Variants in VPS13B observed in about 807,000 individuals in gnomAD.
The protein encoded by VPS13B is vacuolar protein sorting 13 homolog B, also known as intermembrane lipid transfer protein VPS13B.
In VPS13B, 285 loss-of-function variants were observed where a neutral mutation model predicts 426.4. That is an observed-to-expected ratio of 0.67 (90% confidence interval 0.61 to 0.74). The LOEUF is 0.74. VPS13B is among the 30% of genes least tolerant of loss of function. The pLI, the probability that VPS13B is intolerant of heterozygous loss-of-function variation, is 0.00. For synonymous variants in VPS13B, 1,676 were observed against 1,676.4 expected, an observed-to-expected ratio of 1.00 and a Z score of 0.01; for missense variants, 4,537 against 4,782.6, an observed-to-expected ratio of 0.95 and a Z score of 1.51.
intron 3 of VPS13B, among the ~76,000 whole-genome samples, chr8:99,055,550 C>A (rs546958765): frequency 7.9e-4 from 121 of 152,204 alleles, no homozygotes; most frequent in Non-Finnish European, 1.3e-3. Flanking sequence ...TTTAAGTAAT[C>A]TTTAATTGTG....
intron 2 of VPS13B, among the ~76,000 whole-genome samples, chr8:99,017,564 G>A (rs1841686704): frequency 6.7e-6 from 1 of 149,482 alleles, no homozygotes; most frequent in Non-Finnish European, 1.5e-5. Flanking sequence ...GTGTGATCTC[G>A]GCTCACTGCA....
intron 56 of VPS13B, among the ~76,000 whole-genome samples, chr8:99,857,104 A>G (rs1030632367): frequency 3.9e-5 from 6 of 152,166 alleles, no homozygotes; most frequent in Non-Finnish European, 7.4e-5. Flanking sequence ...GTACCCTTGG[A>G]TCTGTCTGCC....
chr8:99,353,484 G>A (rs1439520053), intron 19 of VPS13B, among the ~76,000 whole-genome samples: 4 of 151,746 alleles, frequency 2.6e-5, no homozygotes, highest in African/African-American at 9.7e-5. Flanking sequence ...AGGATTAAGG[G>A]ATTATTAATT....
intron 30 of VPS13B, among the ~76,000 whole-genome samples, chr8:99,540,269 T>A (rs199654412): frequency 6.7e-6 from 1 of 150,012 alleles, no homozygotes; most frequent in African/African-American, 2.5e-5. Flanking sequence ...TTAGTAGAGA[T>A]GGGGTTTCAC....
At chr8:99,539,302 A>C (rs886960892) in intron 30 of VPS13B, among the ~76,000 whole-genome samples, 3 of 152,182 alleles carry the variant, frequency 2.0e-5, no homozygotes, top group Non-Finnish European at 4.4e-5. Flanking sequence ...GATATACAAC[A>C]TGTATAATTC....
chr8:99,632,692 A>G (rs1828895447), intron 33 of VPS13B, among the ~76,000 whole-genome samples: 1 of 152,008 alleles, frequency 6.6e-6, no homozygotes, highest in African/African-American at 2.4e-5. Context: ...ATAAACAAAT[A>G]TTTCTCTCTA....
chr8:99,864,053 C>A (rs1009655586), intron 58 of VPS13B, among the ~76,000 whole-genome samples: 1 of 152,176 alleles, frequency 6.6e-6, no homozygotes, highest in African/African-American at 2.4e-5. Context: ...TTCATGTACT[C>A]TTTGGGTTAT....
chr8:99,119,887 T>C (rs1354384352), intron 7 of VPS13B, among the ~76,000 whole-genome samples: 1 of 151,654 alleles, frequency 6.6e-6, no homozygotes, highest in African/African-American at 2.4e-5. Flanking sequence ...TTTTTGTTTG[T>C]TTTTTGTTTT....
chr8:99,032,789 C>T (rs986581201), intron 2 of VPS13B, among the ~76,000 whole-genome samples: 2 of 151,926 alleles, frequency 1.3e-5, no homozygotes, highest in Non-Finnish European at 2.9e-5. Context: ...ATCCACCTGC[C>T]TCAGCCTCCC....
intron 33 of VPS13B, among the ~76,000 whole-genome samples, chr8:99,635,186 C>CT (rs898405701): frequency 7.9e-5 from 12 of 151,880 alleles, no homozygotes; most frequent in African/African-American, 2.6e-4. Flanking sequence ...AATACTGTAA[C>CT]TTTTTTTACT....
chr8:99,314,769 T>C (rs576434918), intron 19 of VPS13B, among the ~76,000 whole-genome samples: 1 of 152,234 alleles, frequency 6.6e-6, no homozygotes, highest in Non-Finnish European at 1.5e-5. Flanking sequence ...ATTTTAGAGC[T>C]AATGATATTT....
intron 17 of VPS13B, among the ~76,000 whole-genome samples, chr8:99,243,208 C>T (rs1342833775): frequency 3.3e-5 from 5 of 152,084 alleles, no homozygotes; most frequent in African/African-American, 7.2e-5. Context: ...ATGAAGAAAC[C>T]AAGTACCTCA....
intron 10 of VPS13B, 56 bp downstream of exon 10, chr8:99,135,193 T>G: frequency 6.2e-7 from 1 of 1,605,218 alleles, no homozygotes; most frequent in Non-Finnish European, 8.5e-7. Context: ...ATTAAGTGCT[T>G]ACTGAAGTGT....
chr8:99,062,352 TAA>T (rs1224476719), intron 3 of VPS13B, among the ~76,000 whole-genome samples: 6 of 152,226 alleles, frequency 3.9e-5, no homozygotes, highest in Non-Finnish European at 5.9e-5. Context: ...TCAAAACCAA[TAA>T]GAGATTAGAT....
In VPS13B at chr8:99,542,544, C is replaced by T. The variant is rs553509302; in HGVS notation, c.4746-13906C>T. 2.6e-5 allele frequency among the ~76,000 whole-genome samples: 4 copies of T among 152,174 alleles called. No individual in the cohort carries two copies. In the East Asian group the frequency reaches 7.7e-4, roughly 29 times the overall value. Reference sequence around the variant, plus strand: ...GATGCTTGTTTTTTGTATCAGAGTACTTGTTATTGGGGCATAATGAGAGAG... The same window carrying T: ...GATGCTTGTTTTTTGTATCAGAGTATTTGTTATTGGGGCATAATGAGAGAG... On this transcript the variant is annotated intron_variant, in intron 30 of 61. Coordinates refer to ENST00000357162, the MANE Select transcript of VPS13B (RefSeq NM_152564.5).
chr8:99,622,146 G>T (rs1828384752), intron 33 of VPS13B, among the ~76,000 whole-genome samples: 1 of 152,146 alleles, frequency 6.6e-6, no homozygotes, highest in Non-Finnish European at 1.5e-5. Context: ...TGCAAGGCTA[G>T]AGACAAGATT....
At chr8:99,135,777 G>C (rs746735295) in intron 11 of VPS13B, 44 bp downstream of exon 11, 3 of 1,610,518 alleles carry the variant, frequency 1.9e-6, no homozygotes, top group Admixed American at 1.7e-5. Context: ...CTGTGTTTGG[G>C]TGGACACATT....
chr8:99,561,645 A>T (rs1403718826), intron 31 of VPS13B, among the ~76,000 whole-genome samples: 1 of 152,218 alleles, frequency 6.6e-6, no homozygotes, highest in Non-Finnish European at 1.5e-5. Context: ...ACCAAGGCCA[A>T]TGTAAGTGTT....
Position 99,818,444 on chromosome 8 carries a change from T to A in VPS13B, c.8362-7T>A. The stretch of plus-strand genomic sequence containing the variant: ...TTCAATAGGACCCTTTGCTATTTCA[T>A]GTGCAGGTGCCATCTTCAAACAGTT... On this transcript the variant is annotated splice_region_variant and splice_polypyrimidine_tract_variant and intron_variant, in intron 45 of 61. Transcript: ENST00000357162. 1.2e-6 allele frequency: 2 copies of A among 1,613,950 alleles called. No individual in the cohort carries two copies. Among genetic ancestry groups the A allele is most frequent in the South Asian group, 1.1e-5 (1 of 91,084 alleles).
Sources: gnomAD v4.1 joint callset for allele counts (sites outside exome capture counted in the v4.1 genomes callset) on GRCh38, gnomAD v4.1.1 for gene constraint, MANE v1.5 for transcripts, NCBI Gene and HGNC (gene_info 2026-07-23, HGNC 2026-07-21) for gene names.